Variants in PC observed in about 807,000 individuals in gnomAD.
PC encodes pyruvate carboxylase, mitochondrial.
A neutral mutation model predicts 107.8 loss-of-function variants in PC; 46 were observed. The observed-to-expected ratio is 0.43, with a 90% CI of 0.34 to 0.55. The LOEUF (loss-of-function observed/expected upper bound fraction) is 0.55, where lower values mean the gene tolerates loss of function less well. Ranked by LOEUF, PC falls within the 20% of genes least tolerant of loss-of-function variation. The pLI, the probability that PC is intolerant of heterozygous loss-of-function variation, is 0.04. For synonymous variants in PC, 662 were observed against 684.7 expected, an observed-to-expected ratio of 0.97 and a Z score of 0.52; for missense variants, 1,241 against 1,643.1, an observed-to-expected ratio of 0.76 and a Z score of 4.23.
intron 3 of PC, chr11:66,919,669 G>T (rs1255478535): frequency 6.6e-6 from 1 of 152,244 alleles, no homozygotes; most frequent in Non-Finnish European, 1.5e-5. Context: ...TGGGGAGAGG[G>T]ATCTAAGTCA....
At chr11:66,953,351 G>A (rs925072321) in intron 2 of PC, among the ~76,000 whole-genome samples, 11 of 152,086 alleles carry the variant, frequency 7.2e-5, no homozygotes, top group Non-Finnish European at 1.5e-4. Flanking sequence ...GCTGTCTTAC[G>A]TGACCTGAGA....
At chr11:66,892,316 C>T (rs1004779162) in intron 3 of PC, among the ~76,000 whole-genome samples, 1 of 152,130 alleles carries the variant, frequency 6.6e-6, no homozygotes, top group Non-Finnish European at 1.5e-5. Flanking sequence ...TCACCCAATA[C>T]ACTGACTCAG....
chr11:66,873,481 AT>A (rs1946842160), intron 3 of PC, among the ~76,000 whole-genome samples: 3 of 71,470 alleles, frequency 4.2e-5, no homozygotes, highest in African/African-American at 5.6e-5. Flanking sequence ...AATATAATAT[AT>A]AATATTATAT....
intron 3 of PC, among the ~76,000 whole-genome samples, chr11:66,912,034 G>GAAAGAAAAGA (rs55982722): frequency 1.9e-4 from 29 of 151,218 alleles, no homozygotes; most frequent in Middle Eastern, 3.4e-3. Context: ...CAAGAAAAAA[G>GAAAGAAAAGA]AAAGAAAAGA....
At chr11:66,931,652 C>T (rs975991272) in intron 3 of PC, among the ~76,000 whole-genome samples, 5 of 151,722 alleles carry the variant, frequency 3.3e-5, no homozygotes, top group South Asian at 2.1e-4. Context: ...TGACATCGGA[C>T]GATTTCCAAG....
chr11:66,904,510 C>T lies in PC; in HGVS notation c.1-32351G>A, dbSNP rs151292553. On this transcript the variant is annotated intron_variant, in intron 3 of 22. Coordinates refer to ENST00000393960, the MANE Select transcript of PC (RefSeq NM_001040716.2). ...AAAATTAGCCTTGCATGGTGGCATG[C>T]GCCTGTAGTCCCAGCTACTCAGGAG... 1.7e-3 allele frequency among the ~76,000 whole-genome samples: 259 copies of T among 152,252 alleles called. 2 individuals carry two copies. Among genetic ancestry groups the T allele is most frequent in the African/African-American group, 5.3e-4 (22 of 41,560 alleles).
rs774950329 is a variant in PC, at chr11:66,871,183, G to A, written c.502C>T (p.Pro168Ser). Residue 168 changes from proline (P) to serine (S), a missense_variant, in exon 7 of 23, where the codon CCT becomes TCT. Transcript: ENST00000393960. This position sits in a 1 kb window ranked among gnomAD's most constrained non-coding sequence, Gnocchi z 7.4. ...IAIAAGVPVV[P>S]GTDAPITSLH... Reference sequence around the variant, plus strand: ...GACGTGATGGGGGCATCTGTGCCAGGGACAACGGGAACACCTGTTGGGAGA... The same window carrying A: ...GACGTGATGGGGGCATCTGTGCCAGAGACAACGGGAACACCTGTTGGGAGA... 1.6e-5 allele frequency: 26 copies of A among 1,613,334 alleles called. No individual in the cohort carries two copies. The highest frequency in any genetic ancestry group is 2.1e-5 in the Non-Finnish European group (25 of 1,179,438).
intron 3 of PC, among the ~76,000 whole-genome samples, chr11:66,941,353 T>C (rs1194436504): frequency 6.6e-6 from 1 of 152,088 alleles, no homozygotes; most frequent in African/African-American, 2.4e-5. Flanking sequence ...CCAAAAGAAC[T>C]GAAAGCAAAG....
rs1287501603 is a variant in PC at position 66,864,496 on chromosome 11, G to A, written c.1186-540C>T. 3.9e-5 allele frequency among the ~76,000 whole-genome samples: 6 copies of A among 152,260 alleles called. No individual in the cohort carries two copies. The East Asian group carries it at 5.8e-4, about 15-fold the overall frequency. The stretch of plus-strand genomic sequence containing the variant: ...CGGGGGTTTGTTTTTGTTTTTAACA[G>A]GGTGGTGGGGAAGGCCTCAACATCC... On this transcript the variant is annotated intron_variant, in intron 11 of 22. Transcript: ENST00000393960.
chr11:66,872,149 A>C lies in PC; in HGVS notation c.11T>G (p.Phe4Cys), dbSNP rs1378657657. 6.3e-7 allele frequency: 1 copy of C among 1,581,982 alleles called. No individual in the cohort carries two copies. MLK[F>C]RTVHGGLRLL... ...CCTCAGGCCCCCATGGACTGTTCGG[A>C]ACTTCAGCATCTAGGGAGGGAAGTT... The change falls in exon 4 of 23, where the codon TTC becomes TGC. Residue 4 changes from phenylalanine (F) to cysteine (C), a missense_variant. Physicochemically the swap from Phe to Cys is radical, Grantham distance 205. Coordinates refer to ENST00000393960, the MANE Select transcript of PC (RefSeq NM_001040716.2).
At position 66,958,346 on chromosome 11, in the gene PC, C is replaced by A. The variant is rs979814411; in HGVS notation, c.-252G>T. The A allele has an allele frequency of 3.3e-5, 5 of 152,450 alleles. No individual in the cohort carries two copies. The highest frequency in any genetic ancestry group is 7.3e-5 in the Non-Finnish European group (5 of 68,226). 9.4% of individuals were successfully genotyped at this position (152,450 alleles called of 1,614,324 possible). A position where few individuals can be genotyped will look rare whatever the true frequency, so the allele number is the denominator to read the frequency against. Reference sequence around the variant, plus strand: ...CCTCCTCGCCGTCGCCAGTCCTCGCCGCCGCCTCTACCGCTGCTGCCTCCA... The same window carrying A: ...CCTCCTCGCCGTCGCCAGTCCTCGCAGCCGCCTCTACCGCTGCTGCCTCCA... On this transcript the variant is annotated 5_prime_UTR_variant, in exon 1 of 23. Transcript: ENST00000393960.
intron 3 of PC, among the ~76,000 whole-genome samples, chr11:66,893,439 T>G (rs2062269732): frequency 6.6e-6 from 1 of 152,128 alleles, no homozygotes; most frequent in African/African-American, 2.4e-5. Context: ...CTTTTCTTTT[T>G]TACAGACCTG....
chr11:66,853,766 C>CT (rs1458072121), intron 12 of PC, among the ~76,000 whole-genome samples: 2 of 152,366 alleles, frequency 1.3e-5, no homozygotes, highest in African/African-American at 2.4e-5. Flanking sequence ...CTCTGGCACT[C>CT]TAAGTCACTC....
chr11:66,869,825 C>CT (rs1273004115), intron 9 of PC, among the ~76,000 whole-genome samples: 1 of 152,196 alleles, frequency 6.6e-6, no homozygotes, highest in Non-Finnish European at 1.5e-5. Context: ...CCAGGACCCC[C>CT]CGACCAGAGG....
At chr11:66,939,445 T>C (rs1030897203) in intron 3 of PC, among the ~76,000 whole-genome samples, 1 of 152,082 alleles carries the variant, frequency 6.6e-6, no homozygotes, top group Non-Finnish European at 1.5e-5. Context: ...AAATACTGTA[T>C]CTCACAGTGC....
chr11:66,864,749 C>T (rs1032501787), intron 11 of PC, among the ~76,000 whole-genome samples: 2 of 152,170 alleles, frequency 1.3e-5, no homozygotes, highest in African/African-American at 2.4e-5. Flanking sequence ...ACAGAGGCGC[C>T]GACACTCACA....
At position 66,859,390 on chromosome 11, in the gene PC, C is replaced by T. The variant is rs999509504; in HGVS notation, c.1368+4384G>A. Among the ~76,000 whole-genome samples, 21 of 152,286 alleles carry T rather than the reference C, an allele frequency of 1.4e-4. No homozygotes were observed. In the South Asian group the frequency reaches 1.5e-3, roughly 11 times the overall value. On this transcript the variant is annotated intron_variant, in intron 12 of 22. Transcript: ENST00000393960. ...CTGTCTGAAGCACATGGCCCGCGCC[C>T]GCGTGTTATTTCTGCCTCTGCTGGT...
intron 12 of PC, chr11:66,860,791 C>T (rs567531623): frequency 5.2e-5 from 36 of 688,918 alleles, no homozygotes; most frequent in South Asian, 4.9e-4. Context: ...CACGTGTGAG[C>T]GCCTTCCCCA....
chr11:66,881,091 C>T (rs1785157675), intron 3 of PC, among the ~76,000 whole-genome samples: 1 of 152,192 alleles, frequency 6.6e-6, no homozygotes, highest in African/African-American at 2.4e-5. Context: ...TGGTGATACA[C>T]ACAAGCAAAG....
Sources: allele counts gnomAD v4.1 joint callset (sites outside exome capture counted in the v4.1 genomes callset), GRCh38; gene constraint gnomAD v4.1.1; non-coding constraint Gnocchi (gnomAD v3.1); transcripts MANE v1.5; gene names NCBI Gene and HGNC (gene_info 2026-07-23, HGNC 2026-07-21).